PEG3: variants seen among roughly 807,000 people sequenced by gnomAD.
PEG3 encodes the protein paternally-expressed gene 3 protein.
In PEG3, 23 loss-of-function variants were observed where a neutral mutation model predicts 35.5. That is an observed-to-expected ratio of 0.65 (90% CI 0.47 to 0.92). The LOEUF (loss-of-function observed/expected upper bound fraction) is 0.92, where lower values mean the gene tolerates loss of function less well. Ranked by LOEUF, PEG3 falls within the 40% of genes least tolerant of loss-of-function variation. PEG3 has a pLI of 0.00. For synonymous variants in PEG3, 707 were observed against 697.0 expected, an observed-to-expected ratio of 1.01 and a Z score of -0.23; for missense variants, 1,960 against 1,985.3, an observed-to-expected ratio of 0.99 and a Z score of 0.24.
At position 56,814,596 on chromosome 19, in the gene PEG3, A is replaced by G; in HGVS notation, c.3846T>C (p.Phe1282=). Reference sequence around the variant, plus strand: ...AAGATTCTCCACAGACTGCACATTCAAAGAGTCTCTCTTCGGTCTGACTTC... The same window carrying G: ...AAGATTCTCCACAGACTGCACATTCGAAGAGTCTCTCTTCGGTCTGACTTC... ...FQRSQTEERL[F]ECAVCGESFV... The change falls in exon 10 of 10, where the codon TTT becomes TTC. Residue 1282 remains phenylalanine, a synonymous_variant. Transcript: ENST00000326441. The surrounding 1 kb of genome is among the most constrained non-coding windows in gnomAD (Gnocchi z 5.8). 6.2e-7 allele frequency: 1 copy of G among 1,614,080 alleles called. No homozygotes were observed. The highest frequency in any genetic ancestry group is 8.5e-7 in the Non-Finnish European group (1 of 1,179,972).
chr19:56,815,947 C>A lies in PEG3; in HGVS notation c.2495G>T (p.Arg832Met), dbSNP rs2146184692. Residue 832 changes from arginine (R) to methionine (M), a missense_variant, in exon 10 of 10, where the codon AGG becomes ATG. By Grantham distance (91) the Arg-to-Met change is moderately conservative. Transcript: ENST00000326441. ...AGCCACTAAGCTATGGATAACAGAC[C>A]TACTGTATTCCCTTCCTTCAGAGGT... is the stretch of plus-strand genomic sequence containing the variant. ...GNTSEGREYS[R>M]SVIHSLVASK... The A allele has an allele frequency of 6.3e-7, 1 of 1,596,048 alleles. No individual in the cohort carries two copies. The highest frequency in any genetic ancestry group is 8.5e-7 in the Non-Finnish European group (1 of 1,171,560).
chr19:56,814,603 C>T lies in PEG3; in HGVS notation c.3839G>A (p.Arg1280Lys), dbSNP rs1350330391. 1 of 1,614,096 alleles carries T rather than the reference C, an allele frequency of 6.2e-7. No homozygotes were observed. Among genetic ancestry groups the T allele is most frequent in the Non-Finnish European group, 8.5e-7 (1 of 1,179,946 alleles). ...TEFQRSQTEERLFECAVCGES... is the reference protein window; with the variant it reads ...TEFQRSQTEEKLFECAVCGES... ...TCCACAGACTGCACATTCAAAGAGT[C>T]TCTCTTCGGTCTGACTTCTCTGAAA... Residue 1280 changes from arginine to lysine, a missense_variant, in exon 10 of 10, where the codon AGA becomes AAA. Arg to Lys is a conservative substitution (Grantham distance 26, BLOSUM62 2). This residue lies in a region of PEG3 where 416 missense variants were observed against 416.7 expected (regional missense o/e 1.00). Transcript: ENST00000326441. The surrounding 1 kb of genome is among the most constrained non-coding windows in gnomAD (Gnocchi z 5.8).
chr19:56,822,087 G>A (rs1412064765), intron 6 of PEG3, among the ~76,000 whole-genome samples: 2 of 152,184 alleles, frequency 1.3e-5, no homozygotes, highest in Non-Finnish European at 2.9e-5. Flanking sequence ...CAGCTGCAAT[G>A]TGTGACAGGG....
chr19:56,822,212 G>A (rs1366052151), intron 6 of PEG3, among the ~76,000 whole-genome samples: 5 of 152,232 alleles, frequency 3.3e-5, no homozygotes, highest in Admixed American at 3.3e-4. Flanking sequence ...CAATTTTAGG[G>A]TGCCCTGCTG....
At chr19:56,827,253 CA>C (rs538852295) in intron 2 of PEG3, among the ~76,000 whole-genome samples, 6 of 151,482 alleles carry the variant, frequency 4.0e-5, no homozygotes, top group African/African-American at 1.2e-4. Context: ...ACTTCTGTGC[CA>C]AAAAAAATAA....
intron 2 of PEG3, among the ~76,000 whole-genome samples, chr19:56,831,974 A>G (rs1014242411): frequency 6.6e-6 from 1 of 152,218 alleles, no homozygotes; most frequent in Non-Finnish European, 1.5e-5. Flanking sequence ...AATAAATGGC[A>G]TGATCTCATG....
At chr19:56,835,949 T>A in intron 2 of PEG3, 69 bp downstream of exon 2, 1 of 472,842 alleles carries the variant, frequency 2.1e-6, no homozygotes, top group South Asian at 1.5e-5. Context: ...TAGGAAAGTG[T>A]CAGAGTAAGG....
intron 1 of PEG3, among the ~76,000 whole-genome samples, chr19:56,836,840 C>T (rs1343644458): frequency 2.0e-5 from 3 of 151,848 alleles, no homozygotes; most frequent in African/African-American, 4.8e-5. Context: ...TGGTGGCGCG[C>T]GCCTGTATTC....
intron 3 of PEG3, among the ~76,000 whole-genome samples, chr19:56,825,718 A>G (rs1436753022): frequency 6.6e-6 from 1 of 152,178 alleles, no homozygotes; most frequent in Non-Finnish European, 1.5e-5. Context: ...GGGAGCATAA[A>G]CTACCTACTG....
intron 1 of PEG3, among the ~76,000 whole-genome samples, chr19:56,837,312 G>C (rs1280960513): frequency 5.3e-5 from 8 of 152,068 alleles, no homozygotes; most frequent in African/African-American, 1.9e-4. Context: ...GCCCCTCTCA[G>C]GACCACCCGC....
intron 2 of PEG3, among the ~76,000 whole-genome samples, chr19:56,835,168 T>C (rs1031614448): frequency 6.6e-6 from 1 of 152,104 alleles, no homozygotes; most frequent in Admixed American, 6.5e-5. Context: ...CCACACCCAC[T>C]GCGTCCACCC....
intron 7 of PEG3, among the ~76,000 whole-genome samples, chr19:56,821,092 C>T (rs888842820): frequency 1.3e-5 from 2 of 152,258 alleles, no homozygotes; most frequent in South Asian, 2.1e-4. Flanking sequence ...TAACGGTGTG[C>T]CTACCATGTG....
rs1327454185 is a variant in PEG3, at chr19:56,817,103, A to C, written c.1339T>G (p.Phe447Val). 1 of 1,614,092 alleles carries C rather than the reference A, an allele frequency of 6.2e-7. No homozygotes were observed. Among genetic ancestry groups the C allele is most frequent in the African/African-American group, 1.3e-5 (1 of 75,012 alleles). The change falls in exon 10 of 10, where the codon TTT (phenylalanine) becomes GTT (valine). Residue 447 changes from phenylalanine (F) to valine (V), a missense_variant. Phe to Val is a conservative substitution (Grantham distance 50). Coordinates refer to ENST00000326441, the MANE Select transcript of PEG3 (RefSeq NM_006210.3). Reference protein sequence around the residue: ...PSFTESQPIDFGAMPYVCDEC... With the variant: ...PSFTESQPIDVGAMPYVCDEC... The stretch of plus-strand genomic sequence containing the variant: ...TCACATACATATGGCATTGCCCCAA[A>C]ATCAATTGGCTGTGACTCGGTAAAG...
Position 56,812,718 on chromosome 19 carries a change from G to A in PEG3, c.*957C>T, listed in dbSNP as rs539367999. 71 of 984,704 alleles carry A rather than the reference G, an allele frequency of 7.2e-5. No individual in the cohort carries two copies. Among genetic ancestry groups the A allele is most frequent in the Admixed American group, 6.2e-5 (1 of 16,240 alleles). 61.0% of individuals were successfully genotyped at this position (984,704 alleles called of 1,614,324 possible). On this transcript the variant is annotated 3_prime_UTR_variant, in exon 10 of 10. Transcript: ENST00000326441. ...TCATTAGGCACTACTGTGATCTAGT[G>A]ATGGTTGTAACCCATTCTTTAAAGG...
intron 8 of PEG3, among the ~76,000 whole-genome samples, chr19:56,818,188 C>T (rs2060156955): frequency 6.6e-6 from 1 of 152,180 alleles, no homozygotes; most frequent in Non-Finnish European, 1.5e-5. Flanking sequence ...TCCACCCACT[C>T]CCTTGAGGCC....
chr19:56,816,649 C>CGTTCAT lies in PEG3; in HGVS notation c.1787_1792dup (p.His596_Glu597dup). The CGTTCAT allele has an allele frequency of 1.2e-6, 2 of 1,613,514 alleles. No individual in the cohort carries two copies. The highest frequency in any genetic ancestry group is 1.7e-6 in the Non-Finnish European group (2 of 1,179,570). On this transcript the variant is annotated inframe_insertion, in exon 10 of 10. Transcript: ENST00000326441. ...TTCCCCGCGCTCACGTTCACGTTCA[C>CGTTCAT]GTTCATGTTCACGCTCATTATCTTT...
rs979642277 is a variant in PEG3 at position 56,814,039 on chromosome 19, G to A, written c.4403C>T (p.Pro1468Leu). The A allele has an allele frequency of 4.3e-6, 7 of 1,614,058 alleles. No homozygotes were observed. In the Middle Eastern group the frequency reaches 6.6e-4, roughly 152 times the overall value. Residue 1468 changes from proline (P) to leucine (L), a missense_variant, in exon 10 of 10, where the codon CCA (proline) becomes CTA (leucine). Transcript: ENST00000326441. This position sits in a 1 kb window ranked among gnomAD's most constrained non-coding sequence, Gnocchi z 5.8. The part of the protein sequence containing the change: ...IEDPEERAEE[P>L]EGKAEEPEGD... ...CTCTGGCTCTTCAGCTTTTCCCTCT[G>A]GCTCTTCAGCTCTTTCTTCTGGGTC...
At chr19:56,835,847 AT>A (rs2062041188) in intron 2 of PEG3, among the ~76,000 whole-genome samples, 170 bp downstream of exon 2, 1 of 152,212 alleles carries the variant, frequency 6.6e-6, no homozygotes, top group Non-Finnish European at 1.5e-5. Context: ...GCCAAGGAGA[AT>A]TTTTAGAGAA....
chr19:56,817,059 G>A lies in PEG3; in HGVS notation c.1383C>T (p.Phe461=). 2 of 1,614,112 alleles carry A rather than the reference G, an allele frequency of 1.2e-6. No individual in the cohort carries two copies. The highest frequency in any genetic ancestry group is 1.7e-6 in the Non-Finnish European group (2 of 1,180,016). ...PYVCDECGRS[F]SVISEFVEHQ... is the part of the protein sequence containing the mutation. The stretch of plus-strand genomic sequence containing the variant: ...GCTCAACAAATTCTGAGATGACACT[G>A]AACGACCTCCCACACTCATCACATA... Residue 461 remains phenylalanine (F), a synonymous_variant, in exon 10 of 10, where the codon TTC becomes TTT. Transcript: ENST00000326441.
Sources: gnomAD v4.1 joint callset for allele counts (sites outside exome capture counted in the v4.1 genomes callset) on GRCh38, gnomAD v4.1.1 for gene constraint, gnomAD v4.1.1 regional missense constraint, Gnocchi (gnomAD v3.1) non-coding constraint, MANE v1.5 for transcripts, NCBI Gene and HGNC (gene_info 2026-07-23, HGNC 2026-07-21) for gene names.